The following CFAP20DC variants were observed in gnomAD, a reference collection of about 807,000 sequenced individuals.
CFAP20DC encodes the protein protein CFAP20DC.
A neutral mutation model predicts 101.7 loss-of-function variants in CFAP20DC; 84 were observed. That is an observed-to-expected ratio of 0.83 (90% confidence interval 0.69 to 0.99). The LOEUF (loss-of-function observed/expected upper bound fraction) is 0.99. Among genes scored for constraint, CFAP20DC ranks in the 50% least tolerant of loss-of-function variants. The probability of loss-of-function intolerance (pLI) is 0.00; values close to 1 mark genes in which losing one functional copy is unlikely to be tolerated. For synonymous variants in CFAP20DC, 359 were observed against 351.2 expected, an observed-to-expected ratio of 1.02 and a Z score of -0.25; for missense variants, 1,007 against 970.3, an observed-to-expected ratio of 1.04 and a Z score of -0.50.
intron 4 of CFAP20DC, among the ~76,000 whole-genome samples, chr3:58,940,774 T>C (rs752989220): frequency 6.6e-6 from 1 of 152,214 alleles, no homozygotes; most frequent in African/African-American, 2.4e-5. Context: ...CTTTTTCATA[T>C]AGATTTTAGA....
At chr3:59,003,479 T>C (rs576875808) in intron 4 of CFAP20DC, among the ~76,000 whole-genome samples, 323 of 152,326 alleles carry the variant, frequency 2.1e-3, no homozygotes, top group South Asian at 5.2e-3. Context: ...TACTATTCAT[T>C]ACCTTTCTAA....
chr3:58,869,330 T>G lies in CFAP20DC; in HGVS notation c.1013A>C (p.His338Pro), dbSNP rs1236568825. ...IHQIKQTVPI[H>P]AANLHIMHPH... Reference sequence around the variant, plus strand: ...CTTTATGCATGATTATTTCTTACCATGAATAGGTACAGTCTGCTTTATTTG... The same window carrying G: ...CTTTATGCATGATTATTTCTTACCAGGAATAGGTACAGTCTGCTTTATTTG... The change falls in exon 9 of 17, where the codon CAT becomes CCT. Residue 338 changes from histidine (H) to proline (P), a missense_variant and splice_region_variant. Coordinates refer to ENST00000482387, the MANE Select transcript of CFAP20DC (RefSeq NM_001394063.1). This position sits in a 1 kb window ranked among gnomAD's most constrained non-coding sequence, Gnocchi z 4.3. 24 of 1,608,054 alleles carry G rather than the reference T, an allele frequency of 1.5e-5. No homozygotes were observed. The highest frequency in any genetic ancestry group is 2.0e-5 in the Non-Finnish European group (23 of 1,176,992).
intron 5 of CFAP20DC, among the ~76,000 whole-genome samples, chr3:58,925,379 C>A (rs1392096779): frequency 6.6e-6 from 1 of 152,114 alleles, no homozygotes; most frequent in East Asian, 1.9e-4. Flanking sequence ...TTACCATAGC[C>A]CGTTATCAAT....
intron 15 of CFAP20DC, among the ~76,000 whole-genome samples, chr3:58,776,839 A>T (rs756519308): frequency 3.9e-5 from 6 of 152,022 alleles, no homozygotes; most frequent in Non-Finnish European, 8.8e-5. Flanking sequence ...GGCAACAGAA[A>T]GAACAGTAAA....
intron 4 of CFAP20DC, among the ~76,000 whole-genome samples, chr3:58,967,702 T>C (rs544052085): frequency 6.6e-6 from 1 of 152,304 alleles, no homozygotes; most frequent in African/African-American, 2.4e-5. Flanking sequence ...AATAATTTAT[T>C]TTTAATTTTT....
chr3:58,957,489 T>A (rs1461549024), intron 4 of CFAP20DC, among the ~76,000 whole-genome samples: 1 of 152,098 alleles, frequency 6.6e-6, no homozygotes, highest in Non-Finnish European at 1.5e-5. Context: ...GATCCAGCAA[T>A]CTCACCACTG....
intron 6 of CFAP20DC, among the ~76,000 whole-genome samples, chr3:58,908,650 G>A (rs1372284665): frequency 6.6e-6 from 1 of 152,026 alleles, no homozygotes; most frequent in Non-Finnish European, 1.5e-5. Context: ...ACAATCCTTG[G>A]TATATCCAAA....
At chr3:58,843,401 G>A (rs200954712) in intron 13 of CFAP20DC, among the ~76,000 whole-genome samples, 1 of 152,128 alleles carries the variant, frequency 6.6e-6, no homozygotes, top group East Asian at 1.9e-4. Flanking sequence ...TCAACTGGAA[G>A]AAAGGGTATC....
chr3:58,807,287 C>G (rs2074167659), intron 14 of CFAP20DC, among the ~76,000 whole-genome samples: 1 of 152,156 alleles, frequency 6.6e-6, no homozygotes, highest in Admixed American at 6.5e-5. Flanking sequence ...GACCCCTGAC[C>G]TCCAAGCAGC....
At chr3:58,811,290 C>G (rs2074607566) in intron 14 of CFAP20DC, among the ~76,000 whole-genome samples, 1 of 152,154 alleles carries the variant, frequency 6.6e-6, no homozygotes, top group Admixed American at 6.6e-5. Context: ...CATCACGTTA[C>G]CTGACTGCAA....
intron 7 of CFAP20DC, among the ~76,000 whole-genome samples, chr3:58,872,534 C>T (rs1013229821): frequency 6.6e-6 from 1 of 152,060 alleles, no homozygotes; most frequent in Non-Finnish European, 1.5e-5. Context: ...AAGGCAAGGG[C>T]TAGATTGCTG....
At chr3:58,770,720 A>G (rs74781242) in intron 15 of CFAP20DC, among the ~76,000 whole-genome samples, 8,428 of 152,226 alleles carry the variant, frequency 0.055, 519 homozygotes, top group East Asian at 0.35. Flanking sequence ...CCTTATTATG[A>G]AGGCGCTGGG....
downstream of CFAP20DC, among the ~76,000 whole-genome samples, chr3:58,739,092 C>G (rs1345101593): frequency 6.6e-6 from 1 of 152,038 alleles, no homozygotes; most frequent in Non-Finnish European, 1.5e-5. Context: ...TATAATAGGG[C>G]AAGATTTTTT....
At chr3:58,950,344 T>C (rs1395386233) in intron 4 of CFAP20DC, among the ~76,000 whole-genome samples, 1 of 152,182 alleles carries the variant, frequency 6.6e-6, no homozygotes, top group Admixed American at 6.5e-5. Flanking sequence ...CCCAAGGTAA[T>C]TTATATATTC....
At chr3:58,734,623 G>T in intron 3 of CFAP20DC, 1 of 455,064 alleles carries the variant, frequency 2.2e-6, no homozygotes, top group South Asian at 1.6e-5. Context: ...TCCCATTTCT[G>T]CTCTGCAAAG....
At chr3:58,817,412 T>C (rs1269019793) in intron 14 of CFAP20DC, among the ~76,000 whole-genome samples, 2 of 149,536 alleles carry the variant, frequency 1.3e-5, no homozygotes, top group Non-Finnish European at 3.0e-5. Flanking sequence ...GAAGAATGTA[T>C]AACTAGAATA....
At chr3:58,770,435 A>G (rs1446959874) in intron 15 of CFAP20DC, among the ~76,000 whole-genome samples, 1 of 152,226 alleles carries the variant, frequency 6.6e-6, no homozygotes, top group Non-Finnish European at 1.5e-5. Context: ...AATATTTATA[A>G]GAGAGTGAAG....
Position 58,945,047 on chromosome 3 carries a change from T to TAAG in CFAP20DC, c.279-7288_279-7286dup, listed in dbSNP as rs560792219. ...CATTCTCTATATGCCAACAATGTAT[T>TAAG]AAGCACTCTATATACTTTATCTAAT... is the stretch of plus-strand genomic sequence containing the variant. On this transcript the variant is annotated intron_variant, in intron 4 of 16. Coordinates refer to ENST00000482387, the MANE Select transcript of CFAP20DC (RefSeq NM_001394063.1). Among the ~76,000 whole-genome samples, 409 of 152,348 alleles carry TAAG rather than the reference T, an allele frequency of 2.7e-3. 1 individual carries two copies. The highest frequency in any genetic ancestry group is 9.3e-3 in the African/African-American group (385 of 41,588).
intron 15 of CFAP20DC, among the ~76,000 whole-genome samples, chr3:58,767,575 G>T (rs1423050495): frequency 6.6e-6 from 1 of 152,086 alleles, no homozygotes; most frequent in Non-Finnish European, 1.5e-5. Flanking sequence ...AAAACTTTCT[G>T]TAGAGACAGG....
Sources: allele counts gnomAD v4.1 joint callset (sites outside exome capture counted in the v4.1 genomes callset), GRCh38; gene constraint gnomAD v4.1.1; non-coding constraint Gnocchi (gnomAD v3.1); transcripts MANE v1.5; gene names NCBI Gene and HGNC (gene_info 2026-07-23, HGNC 2026-07-21).